Variants in CLYBL observed in about 807,000 individuals in gnomAD.
The protein encoded by CLYBL is citramalyl-CoA lyase, mitochondrial.
CLYBL carries 31 observed loss-of-function variants against 38.9 expected under a neutral mutation model. The observed-to-expected ratio is 0.80, with a 90% CI of 0.60 to 1.08. CLYBL has a LOEUF of 1.08. Ranked by LOEUF, CLYBL falls within the 50% of genes least tolerant of loss-of-function variation. The pLI is 0.00. For synonymous variants in CLYBL, 171 were observed against 158.6 expected, an observed-to-expected ratio of 1.08 and a Z score of -0.59; for missense variants, 434 against 411.6, an observed-to-expected ratio of 1.05 and a Z score of -0.47.
At chr13:99,691,643 T>C (rs538516710) in intron 1 of CLYBL, among the ~76,000 whole-genome samples, 1 of 151,952 alleles carries the variant, frequency 6.6e-6, no homozygotes, top group Non-Finnish European at 1.5e-5. Context: ...CCAGAGTATT[T>C]TTAGTGTAAT....
At chr13:99,729,964 C>T (rs372029507) in intron 1 of CLYBL, among the ~76,000 whole-genome samples, 2 of 151,898 alleles carry the variant, frequency 1.3e-5, no homozygotes, top group Admixed American at 6.6e-5. Flanking sequence ...TCAGCATTGC[C>T]CATGCCCCCA....
At chr13:99,850,659 C>T (rs1472173527) in intron 2 of CLYBL, among the ~76,000 whole-genome samples, 1 of 152,130 alleles carries the variant, frequency 6.6e-6, no homozygotes, top group Non-Finnish European at 1.5e-5. Context: ...TATGATCCAG[C>T]AATTCTACTC....
intron 1 of CLYBL, among the ~76,000 whole-genome samples, chr13:99,691,748 C>A (rs932956984): frequency 6.6e-6 from 1 of 152,228 alleles, no homozygotes; most frequent in African/African-American, 2.4e-5. Flanking sequence ...CCTTCTTCCG[C>A]AGTCACCTGG....
chr13:99,718,374 G>GA (rs80328734), intron 1 of CLYBL, among the ~76,000 whole-genome samples: 2,659 of 122,788 alleles, frequency 0.022, 59 homozygotes, highest in African/African-American at 0.061. Context: ...TTAAAAAAAA[G>GA]AAAAAAAAAA....
At chr13:99,738,568 C>T (rs531986914) in intron 1 of CLYBL, among the ~76,000 whole-genome samples, 5 of 152,092 alleles carry the variant, frequency 3.3e-5, no homozygotes, top group Admixed American at 6.6e-5. Flanking sequence ...AGTGCAGCCA[C>T]GGAAAAGGCC....
At chr13:99,737,182 T>C (rs1258442837) in intron 1 of CLYBL, among the ~76,000 whole-genome samples, 1 of 134,540 alleles carries the variant, frequency 7.4e-6, no homozygotes, top group Non-Finnish European at 1.8e-5. Context: ...GCCAGCTCCT[T>C]AGCCCAGCAG....
intron 2 of CLYBL, among the ~76,000 whole-genome samples, chr13:99,811,907 T>C (rs183922129): frequency 6.6e-5 from 10 of 152,328 alleles, no homozygotes; most frequent in African/African-American, 1.9e-4. Context: ...ACCCTTCTTA[T>C]TGATAAAGCA....
chr13:99,840,375 G>A (rs1298497752), intron 2 of CLYBL, among the ~76,000 whole-genome samples: 1 of 152,064 alleles, frequency 6.6e-6, no homozygotes, highest in Non-Finnish European at 1.5e-5. Flanking sequence ...ACTTTGGGAG[G>A]CTGAGGTGGG....
chr13:99,880,253 C>CG (rs1428141205), intron 7 of CLYBL, among the ~76,000 whole-genome samples: 3 of 151,426 alleles, frequency 2.0e-5, no homozygotes, highest in African/African-American at 7.3e-5. Flanking sequence ...TTGGTAGAGA[C>CG]GGGGTTTCAC....
chr13:99,862,866 G>T, intron 3 of CLYBL, 125 bp from the exon 4 acceptor site: 4 of 435,494 alleles, frequency 9.2e-6, no homozygotes, highest in South Asian at 6.0e-5. Context: ...AAATTCTTTT[G>T]TGTGGACGAA....
At chr13:99,770,550 C>G (rs1303651217) in intron 1 of CLYBL, among the ~76,000 whole-genome samples, 2 of 152,136 alleles carry the variant, frequency 1.3e-5, no homozygotes, top group African/African-American at 2.4e-5. Flanking sequence ...ATCTCCTGAC[C>G]TCATGATCCG....
At chr13:99,704,919 T>G (rs1429978253) in intron 1 of CLYBL, among the ~76,000 whole-genome samples, 1 of 152,192 alleles carries the variant, frequency 6.6e-6, no homozygotes, top group Admixed American at 6.6e-5. Context: ...AGGCAACTCT[T>G]GGTTATCTAG....
At chr13:99,835,909 T>C (rs2050923927) in intron 2 of CLYBL, among the ~76,000 whole-genome samples, 1 of 152,188 alleles carries the variant, frequency 6.6e-6, no homozygotes, top group Non-Finnish European at 1.5e-5. Flanking sequence ...CAAGAAAATC[T>C]GACAGTGAGC....
At chr13:99,899,991 A>G (rs2052623411), downstream of CLYBL, among the ~76,000 whole-genome samples, 1 of 151,904 alleles carries the variant, frequency 6.6e-6, no homozygotes, top group Non-Finnish European at 1.5e-5. Context: ...TAGTGGTGAG[A>G]TATTGGCTCA....
intron 2 of CLYBL, among the ~76,000 whole-genome samples, chr13:99,839,699 G>T (rs2051021980): frequency 6.6e-6 from 1 of 151,880 alleles, no homozygotes; most frequent in Non-Finnish European, 1.5e-5. Flanking sequence ...TTTTTTGTGG[G>T]TACATAGTAG....
chr13:99,691,492 T>C (rs1343833316), intron 1 of CLYBL, among the ~76,000 whole-genome samples: 1 of 152,046 alleles, frequency 6.6e-6, no homozygotes, highest in Non-Finnish European at 1.5e-5. Flanking sequence ...AAAACCATTT[T>C]GTATCATGAA....
intron 2 of CLYBL, among the ~76,000 whole-genome samples, chr13:99,824,619 G>T (rs148393227): frequency 6.6e-6 from 1 of 151,834 alleles, no homozygotes; most frequent in Non-Finnish European, 1.5e-5. Context: ...GTACACACAC[G>T]CACACTCACA....
At chr13:99,761,080 G>T (rs962264975) in intron 1 of CLYBL, among the ~76,000 whole-genome samples, 4 of 152,188 alleles carry the variant, frequency 2.6e-5, no homozygotes, top group African/African-American at 7.2e-5. Context: ...GGGGCTGGAT[G>T]CAGTGGCTCA....
At chr13:99,643,333 A>G (rs1007374713) in intron 1 of CLYBL, among the ~76,000 whole-genome samples, 6 of 152,152 alleles carry the variant, frequency 3.9e-5, no homozygotes, top group Non-Finnish European at 7.3e-5. Context: ...TGATTTACAG[A>G]TCTTCAGGCT....
Sources: allele counts gnomAD v4.1 joint callset (sites outside exome capture counted in the v4.1 genomes callset), GRCh38; gene constraint gnomAD v4.1.1; transcripts MANE v1.5; gene names NCBI Gene and HGNC (gene_info 2026-07-23, HGNC 2026-07-21).